The following POFUT2 variants were observed in gnomAD, a reference collection of about 807,000 sequenced individuals.
The protein encoded by POFUT2 is GDP-fucose protein O-fucosyltransferase 2.
POFUT2 carries 30 observed loss-of-function variants against 55.0 expected under a neutral mutation model. The ratio of observed to expected loss-of-function variants is 0.55; its 90% confidence interval spans 0.41 to 0.74. The LOEUF is 0.74. POFUT2 is among the 30% of genes least tolerant of loss of function. POFUT2 has a pLI of 0.00. For missense variants in POFUT2, 524 were observed against 562.6 expected (o/e 0.93, Z 0.69); for synonymous variants, 267 against 231.1 (o/e 1.16, Z -1.41).
In POFUT2 at chr21:45,283,430, C is replaced by A. The variant is rs764605221; in HGVS notation, c.480G>T (p.Pro160=). 1.9e-6 allele frequency: 3 copies of A among 1,613,316 alleles called. No individual in the cohort carries two copies. Among genetic ancestry groups the A allele is most frequent in the African/African-American group, 1.3e-5 (1 of 74,808 alleles). The change falls in exon 3 of 9, where the codon CCG becomes CCT. Residue 160 remains proline (P), a synonymous_variant. Transcript: ENST00000349485. The part of the protein sequence containing the change: ...GTWEEKVDER[P]CIDQLLYSQD... ...GGGAGTACAGGAGCTGATCAATACACGGCCGCTCGTCCACCTTCTCTTCCC... is the reference window on the plus strand; with the variant it reads ...GGGAGTACAGGAGCTGATCAATACAAGGCCGCTCGTCCACCTTCTCTTCCC...
chr21:45,286,313 G>C (rs907601683), intron 1 of POFUT2, among the ~76,000 whole-genome samples: 1 of 152,130 alleles, frequency 6.6e-6, no homozygotes, highest in African/African-American at 2.4e-5. Context: ...AGACGTTAAA[G>C]CTACAAGTAT....
At chr21:45,266,989 T>C in intron 8 of POFUT2, 2 of 1,036,830 alleles carry the variant, frequency 1.9e-6, no homozygotes, top group Non-Finnish European at 2.3e-6. Context: ...GAGGAATGAC[T>C]GCACGCAGGG....
rs1306330312 is a variant in POFUT2, at chr21:45,281,797, A to G, written c.638+552T>C. ...AGCAAGTTCTAAGAACGTGGCCATC[A>G]ACAATTCCCTCCAGAGTTTACGACA... is the stretch of plus-strand genomic sequence containing the variant. On this transcript the variant is annotated intron_variant, in intron 4 of 8. Coordinates refer to ENST00000349485, the MANE Select transcript of POFUT2 (RefSeq NM_133635.6). This position sits in a 1 kb window ranked among gnomAD's most constrained non-coding sequence, Gnocchi z 5.0. Among the ~76,000 whole-genome samples, 1 of 151,980 alleles carries G rather than the reference A, an allele frequency of 6.6e-6. No homozygotes were observed. The highest frequency in any genetic ancestry group is 1.5e-5 in the Non-Finnish European group (1 of 68,004).
At chr21:45,287,676 C>CCAACCCAACCAGG in intron 1 of POFUT2, 65 bp downstream of exon 1, 1 of 1,181,536 alleles carries the variant, frequency 8.5e-7, no homozygotes, top group Non-Finnish European at 1.1e-6. Flanking sequence ...GCCCCGCCCC[C>CCAACCCAACCAGG]ATCCCATCCT....
Position 45,277,918 on chromosome 21 carries a change from C to T in POFUT2, c.705+185G>A. 1 of 657,154 alleles carries T rather than the reference C, an allele frequency of 1.5e-6. No individual in the cohort carries two copies. Among genetic ancestry groups the T allele is most frequent in the Non-Finnish European group, 2.7e-6 (1 of 369,242 alleles). 40.7% of individuals were successfully genotyped at this position (657,154 alleles called of 1,614,324 possible). A position where few individuals can be genotyped will look rare whatever the true frequency, so the allele number is the denominator to read the frequency against. ...GGTGGCCCTGCGGGCTCCCGAGGAC[C>T]TGGCTCTGCAGCCACGTGAGGCTTG... On this transcript the variant is annotated intron_variant, in intron 5 of 8. Transcript: ENST00000349485. The surrounding 1 kb of genome is among the most constrained non-coding windows in gnomAD (Gnocchi z 6.9).
chr21:45,267,661 C>T lies in POFUT2; in HGVS notation c.1065G>A (p.Thr355=), dbSNP rs771952215. Residue 355 remains threonine, a synonymous_variant, in exon 8 of 9, where the codon ACG becomes ACA. Coordinates refer to ENST00000349485, the MANE Select transcript of POFUT2 (RefSeq NM_133635.6). The surrounding 1 kb of genome is among the most constrained non-coding windows in gnomAD (Gnocchi z 4.4). ...LLPEMVRFEP[T]WEELELYKDG... The stretch of plus-strand genomic sequence containing the variant: ...CCTTGTAGAGCTCCAGCTCCTCCCA[C>T]GTGGGTTCAAACCTCACCATCTCGG... The T allele has an allele frequency of 9.3e-6, 15 of 1,614,114 alleles. No individual in the cohort carries two copies. The highest frequency in any genetic ancestry group is 5.5e-5 in the South Asian group (5 of 91,096).
intron 8 of POFUT2, chr21:45,266,909 C>G (rs2093160398): frequency 9.8e-7 from 1 of 1,022,224 alleles, no homozygotes; most frequent in East Asian, 9.7e-5. Flanking sequence ...CAGCCTTCAT[C>G]TCCTATGCAG....
rs75381084 is a variant in POFUT2, at chr21:45,285,439, C to T, written c.382+239G>A. 0.034 allele frequency: 19,047 copies of T among 554,032 alleles called. 552 individuals are homozygous for T. The highest frequency in any genetic ancestry group is 0.11 in the East Asian group (2,983 of 27,246). 34.3% of individuals were successfully genotyped at this position (554,032 alleles called of 1,614,324 possible). A position where few individuals can be genotyped will look rare whatever the true frequency, so the allele number is the denominator to read the frequency against. ...CGGCTCTAACTGAGGGGGCACAAAG[C>T]TCATCCACTTCAGGTCCATTTCCGA... On this transcript the variant is annotated intron_variant, in intron 2 of 8. Transcript: ENST00000349485. The surrounding 1 kb of genome is among the most constrained non-coding windows in gnomAD (Gnocchi z 4.9).
At position 45,275,737 on chromosome 21, in the gene POFUT2, G is replaced by A. The variant is rs543529809; in HGVS notation, c.831+1280C>T. Among the ~76,000 whole-genome samples, 8 of 152,270 alleles carry A rather than the reference G, an allele frequency of 5.3e-5. No homozygotes were observed. The South Asian group carries it at 8.3e-4, about 16-fold the overall frequency. ...ATGACACAATGGACTTTGGGGACTC[G>A]AGGGGAAGAGTGGAGGGGGTGAGGG... On this transcript the variant is annotated intron_variant, in intron 6 of 8. Transcript: ENST00000349485.
intron 3 of POFUT2, 111 bp downstream of exon 3, chr21:45,283,272 C>T (rs11910831): frequency 0.23 from 95,845 of 425,062 alleles, 13,208 homozygotes; most frequent in South Asian, 0.38. Flanking sequence ...GGGGCACCCA[C>T]GGTGGTGGGG....
At chr21:45,287,196 G>GGCCCCT (rs1217709805) in intron 1 of POFUT2, among the ~76,000 whole-genome samples, 7,970 of 60,638 alleles carry the variant, frequency 0.13, 477 homozygotes, top group Middle Eastern at 0.22. Flanking sequence ...GCCCGGCCCC[G>GGCCCCT]GCCCCTGCCC....
intron 4 of POFUT2, among the ~76,000 whole-genome samples, chr21:45,279,162 T>C (rs59425758): frequency 0.24 from 36,105 of 151,108 alleles, 4,683 homozygotes; most frequent in East Asian, 0.42. Flanking sequence ...GAGGCCAAGG[T>C]GGGCGGATCA....
chr21:45,269,185 G>A (rs1379281352), intron 7 of POFUT2, among the ~76,000 whole-genome samples: 1 of 149,832 alleles, frequency 6.7e-6, no homozygotes, highest in Non-Finnish European at 1.5e-5. Flanking sequence ...CCCCCCGCCC[G>A]GCCAGCCGCC....
In POFUT2 at chr21:45,285,411, G is replaced by A; in HGVS notation, c.382+267C>T. 1 of 475,630 alleles carries A rather than the reference G, an allele frequency of 2.1e-6. No individual in the cohort carries two copies. The highest frequency in any genetic ancestry group is 4.0e-6 in the Non-Finnish European group (1 of 249,874). The allele number at this position is 475,630 out of a possible 1,614,324, so 29.5% of individuals were successfully genotyped here. Reference sequence around the variant, plus strand: ...GGGTGGCCGCTTTCTTAGGGTGTAAGGGCGGCTCTAACTGAGGGGGCACAA... The same window carrying A: ...GGGTGGCCGCTTTCTTAGGGTGTAAAGGCGGCTCTAACTGAGGGGGCACAA... On this transcript the variant is annotated intron_variant, in intron 2 of 8. Coordinates refer to ENST00000349485, the MANE Select transcript of POFUT2 (RefSeq NM_133635.6). The surrounding 1 kb of genome is among the most constrained non-coding windows in gnomAD (Gnocchi z 4.9).
In POFUT2 at chr21:45,281,666, G is replaced by A. The variant is rs971513177; in HGVS notation, c.638+683C>T. Among the ~76,000 whole-genome samples the A allele has an allele frequency of 2.0e-5, 3 of 152,044 alleles. No individual in the cohort carries two copies. Among genetic ancestry groups the A allele is most frequent in the Admixed American group, 6.6e-5 (1 of 15,264 alleles). ...AGGCAGCCTCAACGTGGGCAAGTGCGAGGGGCACCCGTGCCCTGCTATGCC... is the reference window on the plus strand; with the variant it reads ...AGGCAGCCTCAACGTGGGCAAGTGCAAGGGGCACCCGTGCCCTGCTATGCC... On this transcript the variant is annotated intron_variant, in intron 4 of 8. Transcript: ENST00000349485. The surrounding 1 kb of genome is among the most constrained non-coding windows in gnomAD (Gnocchi z 5.0).
In POFUT2 at chr21:45,285,076, A is replaced by T. The variant is rs1309952238; in HGVS notation, c.382+602T>A. Among the ~76,000 whole-genome samples the T allele has an allele frequency of 6.6e-6, 1 of 152,214 alleles. No homozygotes were observed. The highest frequency in any genetic ancestry group is 1.5e-5 in the Non-Finnish European group (1 of 68,042). On this transcript the variant is annotated intron_variant, in intron 2 of 8. Coordinates refer to ENST00000349485, the MANE Select transcript of POFUT2 (RefSeq NM_133635.6). This position sits in a 1 kb window ranked among gnomAD's most constrained non-coding sequence, Gnocchi z 4.9. Reference sequence around the variant, plus strand: ...AAGAACTCAACAGATGCTGGAAAGCAGGAGCCTGACTCAAAACTAACTCAT... The same window carrying T: ...AAGAACTCAACAGATGCTGGAAAGCTGGAGCCTGACTCAAAACTAACTCAT...
In POFUT2 at chr21:45,264,065, A is replaced by G. The variant is rs1005880289; in HGVS notation, c.*1417T>C. The G allele has an allele frequency of 5.9e-5, 9 of 152,266 alleles. No homozygotes were observed. The highest frequency in any genetic ancestry group is 2.0e-4 in the Admixed American group (3 of 15,288). The allele number at this position is 152,266 out of a possible 1,614,324, so 9.4% of individuals were successfully genotyped here. ...TGTTTCTAGAACAAATGGAAAAAGA[A>G]TAAATATGTCATCATTTACCCTGCA... On this transcript the variant is annotated 3_prime_UTR_variant, in exon 9 of 9. Coordinates refer to ENST00000349485, the MANE Select transcript of POFUT2 (RefSeq NM_133635.6).
chr21:45,275,221 ATAC>A lies in POFUT2; in HGVS notation c.831+1793_831+1795del, dbSNP rs1040296810. Among the ~76,000 whole-genome samples the A allele has an allele frequency of 1.1e-3, 171 of 152,360 alleles. 2 individuals carry two copies. The highest frequency in any genetic ancestry group is 4.0e-3 in the African/African-American group (165 of 41,586). Reference sequence around the variant, plus strand: ...AAATGCAAATGAAAACCACAACAGGATACTACCTTACTCCTGCAAGAATGGCCA... The same window carrying A: ...AAATGCAAATGAAAACCACAACAGGATACCTTACTCCTGCAAGAATGGCCA... On this transcript the variant is annotated intron_variant, in intron 6 of 8. Coordinates refer to ENST00000349485, the MANE Select transcript of POFUT2 (RefSeq NM_133635.6).
rs577084548 is a variant in POFUT2, at chr21:45,265,877, C to T, written c.1137-242G>A. 676 of 1,359,132 alleles carry T rather than the reference C, an allele frequency of 5.0e-4. No individual in the cohort carries two copies. In the Middle Eastern group the frequency reaches 6.0e-3, roughly 12 times the overall value. The allele number at this position is 1,359,132 out of a possible 1,614,324, so 84.2% of individuals were successfully genotyped here. A position where few individuals can be genotyped will look rare whatever the true frequency, so the allele number is the denominator to read the frequency against. On this transcript the variant is annotated intron_variant, in intron 8 of 8. Transcript: ENST00000349485. The surrounding 1 kb of genome is among the most constrained non-coding windows in gnomAD (Gnocchi z 4.6). ...GTGCTGCAGCCCCATCCACACCCCA[C>T]AGTCAGCAGCCGCCACGCTCCTGTC...
Sources: gnomAD v4.1 joint callset for allele counts (sites outside exome capture counted in the v4.1 genomes callset) on GRCh38, gnomAD v4.1.1 for gene constraint, Gnocchi (gnomAD v3.1) non-coding constraint, MANE v1.5 for transcripts, NCBI Gene and HGNC (gene_info 2026-07-23, HGNC 2026-07-21) for gene names.